SCAPER: variants seen among roughly 807,000 people sequenced by gnomAD.
SCAPER encodes S phase cyclin A-associated protein in the endoplasmic reticulum.
A neutral mutation model predicts 182.2 loss-of-function variants in SCAPER; 98 were observed. The ratio of observed to expected loss-of-function variants is 0.54; its 90% CI spans 0.46 to 0.64. SCAPER has a LOEUF of 0.64. Ranked by LOEUF, SCAPER falls within the 30% of genes least tolerant of loss-of-function variation. The probability of loss-of-function intolerance (pLI) is 0.00; values close to 1 mark genes in which losing one functional copy is unlikely to be tolerated. For missense variants in SCAPER, 1,432 were observed against 1,690.0 expected (o/e 0.85, Z 2.68); for synonymous variants, 605 against 564.6 (o/e 1.07, Z -1.01).
chr15:76,883,924 CCA>C, intron 1 of SCAPER, 48 bp from the exon 2 acceptor site: 1 of 858,756 alleles, frequency 1.2e-6, no homozygotes, highest in Non-Finnish European at 1.8e-6. Flanking sequence ...TACCAGAAAA[CCA>C]TAATTATTCA....
intron 5 of SCAPER, among the ~76,000 whole-genome samples, chr15:76,834,854 G>T (rs1440517641): frequency 6.6e-6 from 1 of 151,868 alleles, no homozygotes. Flanking sequence ...GAACCCAAAA[G>T]AAACTGAAAT....
intron 27 of SCAPER, among the ~76,000 whole-genome samples, chr15:76,384,842 G>C (rs1219874841): frequency 6.6e-6 from 1 of 152,166 alleles, no homozygotes; most frequent in Admixed American, 6.5e-5. Context: ...ACAGGCCACT[G>C]GCTTCTGTTG....
At chr15:76,774,792 C>G in intron 9 of SCAPER, 63 bp downstream of exon 9, 1 of 1,481,288 alleles carries the variant, frequency 6.8e-7, no homozygotes, top group Non-Finnish European at 9.0e-7. Flanking sequence ...CTAAGACATT[C>G]CAGTACACAT....
chr15:76,687,852 T>C (rs569122551), intron 20 of SCAPER, among the ~76,000 whole-genome samples: 1 of 152,336 alleles, frequency 6.6e-6, no homozygotes, highest in East Asian at 1.9e-4. Context: ...GATGAGCACT[T>C]GGGTTGGTTC....
chr15:76,477,926 T>G lies in SCAPER; in HGVS notation c.2955-6591A>C, dbSNP rs569807358. ...TTTAAAAATAACTTTTCCAGTTTAT[T>G]GCTATCTTAATTTTTTTTTTTAGTT... On this transcript the variant is annotated intron_variant, in intron 24 of 31. Coordinates refer to ENST00000563290, the MANE Select transcript of SCAPER (RefSeq NM_020843.4). Among the ~76,000 whole-genome samples, 3 of 152,128 alleles carry G rather than the reference T, an allele frequency of 2.0e-5. No individual in the cohort carries two copies. In the South Asian group the frequency reaches 6.2e-4, roughly 31 times the overall value.
At chr15:76,628,755 G>A (rs1195933266) in intron 21 of SCAPER, among the ~76,000 whole-genome samples, 2 of 152,152 alleles carry the variant, frequency 1.3e-5, no homozygotes, top group Non-Finnish European at 2.9e-5. Flanking sequence ...GGCTATACAA[G>A]CTCTTTTTTG....
intron 24 of SCAPER, among the ~76,000 whole-genome samples, chr15:76,491,963 C>T (rs780615527): frequency 1.3e-5 from 2 of 152,118 alleles, no homozygotes; most frequent in African/African-American, 4.8e-5. Flanking sequence ...CTAATTGACA[C>T]GTTGAAGTGT....
chr15:76,642,521 A>C (rs1217230957), intron 21 of SCAPER, among the ~76,000 whole-genome samples: 2 of 152,158 alleles, frequency 1.3e-5, no homozygotes, highest in African/African-American at 4.8e-5. Context: ...TCATAATTTC[A>C]TCTACAGTAC....
chr15:76,740,659 G>A (rs1465122989), intron 15 of SCAPER, among the ~76,000 whole-genome samples: 1 of 152,110 alleles, frequency 6.6e-6, no homozygotes, highest in Admixed American at 6.5e-5. Flanking sequence ...CCTAAAATAT[G>A]TAAGAACTCA....
chr15:76,887,420 T>G (rs147143247), intron 1 of SCAPER, among the ~76,000 whole-genome samples: 97 of 152,294 alleles, frequency 6.4e-4, no homozygotes, highest in African/African-American at 2.1e-3. Context: ...CGTGGCAGAC[T>G]GTACCTGGAA....
At chr15:76,540,973 T>C (rs2044697461) in intron 23 of SCAPER, among the ~76,000 whole-genome samples, 1 of 151,728 alleles carries the variant, frequency 6.6e-6, no homozygotes, top group South Asian at 2.1e-4. Context: ...ATACAAAAAT[T>C]AGCCGGGCAT....
chr15:76,653,352 T>A (rs1456765791), intron 21 of SCAPER, among the ~76,000 whole-genome samples: 1 of 152,114 alleles, frequency 6.6e-6, no homozygotes, highest in Non-Finnish European at 1.5e-5. Context: ...CTTCACAAAA[T>A]TAGAAAAAAT....
At chr15:76,375,745 G>C (rs990830817) in intron 29 of SCAPER, among the ~76,000 whole-genome samples, 1 of 152,218 alleles carries the variant, frequency 6.6e-6, no homozygotes. Context: ...CACTTTGGGA[G>C]GCCAAGGCAG....
rs189373623 is a variant in SCAPER, at chr15:76,819,131, G to A, written c.394-14498C>T. On this transcript the variant is annotated intron_variant, in intron 5 of 31. Coordinates refer to ENST00000563290, the MANE Select transcript of SCAPER (RefSeq NM_020843.4). ...AGCCCACCACTGCTCAAGGAGGCCT[G>A]CCTGCCTCTGTGGGCTCCACATCTG... Among the ~76,000 whole-genome samples, 1,237 of 152,354 alleles carry A rather than the reference G, an allele frequency of 8.1e-3. 13 individuals carry two copies. The highest frequency in any genetic ancestry group is 0.028 in the African/African-American group (1,173 of 41,586).
intron 2 of SCAPER, among the ~76,000 whole-genome samples, chr15:76,879,081 TG>T (rs1003538646): frequency 2.0e-5 from 3 of 152,214 alleles, no homozygotes; most frequent in African/African-American, 7.2e-5. Context: ...ATACATGACC[TG>T]GCCTCCAGTC....
intron 23 of SCAPER, among the ~76,000 whole-genome samples, chr15:76,520,442 T>G (rs1478562473): frequency 6.6e-6 from 1 of 152,136 alleles, no homozygotes; most frequent in Non-Finnish European, 1.5e-5. Flanking sequence ...GGGCTTGAAC[T>G]CCTGAGCTTA....
At chr15:76,762,009 G>T (rs988193270) in intron 14 of SCAPER, among the ~76,000 whole-genome samples, 2 of 152,154 alleles carry the variant, frequency 1.3e-5, no homozygotes, top group African/African-American at 4.8e-5. Flanking sequence ...CTGTTAAACT[G>T]AATCTTTTAT....
At position 76,596,848 on chromosome 15, in the gene SCAPER, A is replaced by G. The variant is rs547886452; in HGVS notation, c.2712-22564T>C. Among the ~76,000 whole-genome samples, 151 of 122,378 alleles carry G rather than the reference A, an allele frequency of 1.2e-3. 20 individuals are homozygous for G. The highest frequency in any genetic ancestry group is 3.1e-3 in the African/African-American group (124 of 40,028). 80.3% of individuals were successfully genotyped at this position (122,378 alleles called of 152,430 possible). ...GCTATTTATGACAAACCCACAGCCA[A>G]CATCATACTGAATGGGCAAAAGCTG... On this transcript the variant is annotated intron_variant, in intron 22 of 31. Coordinates refer to ENST00000563290, the MANE Select transcript of SCAPER (RefSeq NM_020843.4).
intron 24 of SCAPER, among the ~76,000 whole-genome samples, chr15:76,488,878 A>G (rs978304076): frequency 6.6e-6 from 1 of 151,190 alleles, no homozygotes; most frequent in African/African-American, 2.4e-5. Context: ...GCGCATGACC[A>G]CACCCAGCTA....
Sources: allele counts gnomAD v4.1 joint callset (sites outside exome capture counted in the v4.1 genomes callset), GRCh38; gene constraint gnomAD v4.1.1; transcripts MANE v1.5; gene names NCBI Gene and HGNC (gene_info 2026-07-23, HGNC 2026-07-21).